The following USP54 variants were observed in gnomAD, a reference collection of about 807,000 sequenced individuals.
The protein encoded by USP54 is ubiquitin carboxyl-terminal hydrolase 54.
Under a neutral mutation model 170.5 loss-of-function variants are expected in USP54, and 87 were observed. That is an observed-to-expected ratio of 0.51 (90% CI 0.43 to 0.61). The LOEUF (loss-of-function observed/expected upper bound fraction) is 0.61, where lower values mean the gene tolerates loss of function less well. Among genes scored for constraint, USP54 ranks in the 20% least tolerant of loss-of-function variants. USP54 has a pLI of 0.00. For missense variants in USP54, 1,786 were observed against 2,047.8 expected (o/e 0.87, Z 2.47); for synonymous variants, 655 against 742.8 (o/e 0.88, Z 1.92).
At position 73,575,892 on chromosome 10, in the gene USP54, A is replaced by C; in HGVS notation, c.-112T>G. On this transcript the variant is annotated 5_prime_UTR_variant, in exon 2 of 24. Coordinates refer to ENST00000687698, the MANE Select transcript of USP54 (RefSeq NM_001391956.1). ...TCACTTGTTCCAAACAATCTCCAAAATGTAACATGGCACAGGACTAATGCA... is the reference window on the plus strand; with the variant it reads ...TCACTTGTTCCAAACAATCTCCAAACTGTAACATGGCACAGGACTAATGCA... The C allele has an allele frequency of 2.5e-6, 1 of 392,208 alleles. No homozygotes were observed. Among genetic ancestry groups the C allele is most frequent in the Non-Finnish European group, 4.5e-6 (1 of 221,638 alleles). 24.3% of individuals were successfully genotyped at this position (392,208 alleles called of 1,614,324 possible).
chr10:73,548,698 G>A (rs2068463638), intron 4 of USP54, among the ~76,000 whole-genome samples: 1 of 152,178 alleles, frequency 6.6e-6, no homozygotes, highest in East Asian at 1.9e-4. Flanking sequence ...TTGGACACAG[G>A]GCAGGGAACA....
chr10:73,575,054 G>A (rs925352990), intron 3 of USP54, among the ~76,000 whole-genome samples: 25 of 151,884 alleles, frequency 1.6e-4, no homozygotes, highest in Non-Finnish European at 3.1e-4. Flanking sequence ...GTGAAACCCC[G>A]TCTCTACTAA....
intron 22 of USP54, among the ~76,000 whole-genome samples, chr10:73,502,928 T>C (rs1264298006): frequency 2.0e-5 from 3 of 152,198 alleles, no homozygotes; most frequent in African/African-American, 7.2e-5. Context: ...AAATATATCA[T>C]TATCTACCCA....
chr10:73,529,783 G>T lies in USP54; in HGVS notation c.1957C>A (p.Arg653=). Residue 653 remains arginine (R), a synonymous_variant, in exon 15 of 24, where the codon CGA becomes AGA. Coordinates refer to ENST00000687698, the MANE Select transcript of USP54 (RefSeq NM_001391956.1). ...PGSHLLEQHP[R]LIQRMESGYE... is the part of the protein sequence containing the mutation. The stretch of plus-strand genomic sequence containing the variant: ...CCAGATTCCATTCGCTGGATTAGTC[G>T]GGGGTGCTGCTCTAAAAGGTGAGAG... 6.2e-7 allele frequency: 1 copy of T among 1,613,826 alleles called. No homozygotes were observed. The highest frequency in any genetic ancestry group is 8.5e-7 in the Non-Finnish European group (1 of 1,179,812).
chr10:73,543,110 G>T lies in USP54; in HGVS notation c.397C>A (p.His133Asn). The T allele has an allele frequency of 6.2e-7, 1 of 1,613,950 alleles. No individual in the cohort carries two copies. Among genetic ancestry groups the T allele is most frequent in the South Asian group, 1.1e-5 (1 of 91,046 alleles). Residue 133 changes from histidine to asparagine, a missense_variant, in exon 6 of 24, where the codon CAC (histidine) becomes AAC (asparagine). His to Asn is a moderately conservative substitution (Grantham distance 68). Around this residue, in one of 3 missense-constraint regions of USP54, gnomAD observed 361 missense variants for 455.0 expected, o/e 0.79. Transcript: ENST00000687698. Reference sequence around the variant, plus strand: ...TTGGTTTCATCAGCAATGTGGAAGTGAATTCTCATCAGGAGGTTTTCCTGA... The same window carrying T: ...TTGGTTTCATCAGCAATGTGGAAGTTAATTCTCATCAGGAGGTTTTCCTGA... ...ECFENLLMRI[H>N]FHIADETKED...
intron 1 of USP54, among the ~76,000 whole-genome samples, chr10:73,611,787 C>G (rs1020127587): frequency 6.6e-6 from 1 of 151,080 alleles, no homozygotes; most frequent in African/African-American, 2.4e-5. Context: ...CAGAGCGGGA[C>G]TCCATCTCAA....
At position 73,529,841 on chromosome 10, in the gene USP54, G is replaced by C; in HGVS notation, c.1899C>G (p.Pro633=). The C allele has an allele frequency of 1.3e-6, 2 of 1,588,488 alleles. No homozygotes were observed. The highest frequency in any genetic ancestry group is 8.6e-7 in the Non-Finnish European group (1 of 1,168,700). The change falls in exon 15 of 24, where the codon CCC becomes CCG. Residue 633 remains proline, a synonymous_variant. Coordinates refer to ENST00000687698, the MANE Select transcript of USP54 (RefSeq NM_001391956.1). ...GTGCTGGGCCCCAGCGCTTGTACTG[G>C]GGGCTTGGTCCACCAAATTTAATGT... ...SYDIKFGGPS[P]QYKRWGPARP... is the part of the protein sequence containing the mutation.
At chr10:73,544,845 C>T (rs912034803) in intron 5 of USP54, among the ~76,000 whole-genome samples, 1 of 152,118 alleles carries the variant, frequency 6.6e-6, no homozygotes, top group Non-Finnish European at 1.5e-5. Flanking sequence ...TCCCAAGTAG[C>T]TGGGACTATA....
In USP54 at chr10:73,539,425, AG is replaced by A. The variant is rs1475981565; in HGVS notation, c.975+18del. On this transcript the variant is annotated intron_variant, in intron 10 of 23. Transcript: ENST00000687698. ...TTTGTAGTCACCAAACACTTCAAAA[AG>A]GACTTGACTACTCCTACCTCCTTGA... 6.4e-7 allele frequency: 1 copy of A among 1,566,800 alleles called. No homozygotes were observed. Among genetic ancestry groups the A allele is most frequent in the African/African-American group, 1.4e-5 (1 of 73,804 alleles).
intron 4 of USP54, among the ~76,000 whole-genome samples, chr10:73,554,337 C>T (rs186051419): frequency 1.3e-5 from 2 of 152,332 alleles, no homozygotes; most frequent in East Asian, 3.9e-4. Flanking sequence ...TCAACCTGGA[C>T]TTCCCAATTT....
intron 1 of USP54, among the ~76,000 whole-genome samples, chr10:73,600,032 G>T (rs2132260220): frequency 6.6e-6 from 1 of 151,278 alleles, no homozygotes; most frequent in Non-Finnish European, 1.5e-5. Flanking sequence ...CTCCCGAGTT[G>T]CTGGGATTAC....
At chr10:73,574,555 T>C (rs1000034890) in intron 3 of USP54, among the ~76,000 whole-genome samples, 3 of 151,938 alleles carry the variant, frequency 2.0e-5, no homozygotes, top group African/African-American at 7.3e-5. Context: ...GGCAGGCGGA[T>C]CACTTGAGGC....
At chr10:73,581,241 A>G (rs2076866804) in intron 1 of USP54, among the ~76,000 whole-genome samples, 1 of 152,256 alleles carries the variant, frequency 6.6e-6, no homozygotes, top group South Asian at 2.1e-4. Context: ...CGTGGGCAAC[A>G]TGGTAAACTT....
chr10:73,524,784 C>T (rs1450865946), intron 16 of USP54, among the ~76,000 whole-genome samples: 2 of 152,116 alleles, frequency 1.3e-5, no homozygotes, highest in Non-Finnish European at 2.9e-5. Context: ...GAAACTGAGT[C>T]ACAGGAGGAT....
intron 10 of USP54, chr10:73,538,118 T>A (rs915333630): frequency 2.6e-5 from 4 of 151,728 alleles, no homozygotes; most frequent in African/African-American, 9.7e-5. Flanking sequence ...GGCACGAGAA[T>A]CACTTGGGCC....
intron 16 of USP54, among the ~76,000 whole-genome samples, chr10:73,525,390 T>C (rs2062678834): frequency 6.6e-6 from 1 of 152,132 alleles, no homozygotes; most frequent in Non-Finnish European, 1.5e-5. Flanking sequence ...ACAAACAGGA[T>C]GGTGGGGTGA....
intron 20 of USP54, among the ~76,000 whole-genome samples, chr10:73,516,121 G>C (rs2133279617): frequency 6.6e-6 from 1 of 152,180 alleles, no homozygotes; most frequent in South Asian, 2.1e-4. Context: ...AGAAGCCATG[G>C]GCAAATACTT....
rs186744827 is a variant in USP54, at chr10:73,526,396, C to T, written c.2194+251G>A. Among the ~76,000 whole-genome samples, 59 of 152,212 alleles carry T rather than the reference C, an allele frequency of 3.9e-4. 1 individual carries two copies. Among genetic ancestry groups the T allele is most frequent in the Middle Eastern group, 3.4e-3 (1 of 294 alleles). On this transcript the variant is annotated intron_variant, in intron 16 of 23. Transcript: ENST00000687698. ...CCGAGCAGCTGGGACTACAGGTGCA[C>T]GCCGCTACGCTGGTTAATTTTTTGT...
chr10:73,597,112 T>C (rs1460123226), intron 1 of USP54, among the ~76,000 whole-genome samples: 1 of 152,200 alleles, frequency 6.6e-6, no homozygotes, highest in Non-Finnish European at 1.5e-5. Flanking sequence ...CTGACTTACT[T>C]GACTCCCTGT....
Sources: allele counts gnomAD v4.1 joint callset (sites outside exome capture counted in the v4.1 genomes callset), GRCh38; gene constraint gnomAD v4.1.1; regional missense constraint gnomAD v4.1.1; transcripts MANE v1.5; gene names NCBI Gene and HGNC (gene_info 2026-07-23, HGNC 2026-07-21).